RHOBTB1: variants seen among roughly 807,000 people sequenced by gnomAD.
RHOBTB1 encodes the protein rho-related BTB domain-containing protein 1.
RHOBTB1 carries 40 observed loss-of-function variants against 71.6 expected under a neutral mutation model. That is an observed-to-expected ratio of 0.56 (90% CI 0.43 to 0.73). The LOEUF is 0.73. RHOBTB1 is among the 30% of genes least tolerant of loss of function. The pLI is 0.00. For missense variants in RHOBTB1, 797 were observed against 894.0 expected, an observed-to-expected ratio of 0.89 and a Z score of 1.38; for synonymous variants, 319 against 334.9, an observed-to-expected ratio of 0.95 and a Z score of 0.52.
intron 4 of RHOBTB1, among the ~76,000 whole-genome samples, chr10:60,907,362 G>A (rs761616825): frequency 1.4e-4 from 21 of 152,156 alleles, no homozygotes; most frequent in Non-Finnish European, 2.2e-4. Flanking sequence ...TGAGTTGAGC[G>A]ACATCCCTTT....
chr10:60,876,206 T>C (rs760372764), intron 8 of RHOBTB1, among the ~76,000 whole-genome samples: 2 of 152,224 alleles, frequency 1.3e-5, no homozygotes, highest in Admixed American at 6.5e-5. Flanking sequence ...ATTGTCACTG[T>C]AGAAACTGAT....
At chr10:60,898,605 T>C (rs1270818092) in intron 4 of RHOBTB1, among the ~76,000 whole-genome samples, 1 of 152,112 alleles carries the variant, frequency 6.6e-6, no homozygotes, top group Non-Finnish European at 1.5e-5. Context: ...TGGCAGGGGA[T>C]CTGGGGATAG....
At chr10:60,986,599 A>C (rs2086677441) in intron 1 of RHOBTB1, among the ~76,000 whole-genome samples, 1 of 151,790 alleles carries the variant, frequency 6.6e-6, no homozygotes, top group African/African-American at 2.4e-5. Flanking sequence ...CCTCCAAAGA[A>C]ACCAAATATT....
intron 2 of RHOBTB1, among the ~76,000 whole-genome samples, chr10:60,913,174 C>A (rs975581848): frequency 6.6e-6 from 1 of 152,198 alleles, no homozygotes; most frequent in Non-Finnish European, 1.5e-5. Context: ...ACTATTGGAA[C>A]ATGGACTGTC....
chr10:60,956,936 CA>C (rs747388606), intron 2 of RHOBTB1, among the ~76,000 whole-genome samples: 3 of 152,172 alleles, frequency 2.0e-5, no homozygotes, highest in Non-Finnish European at 4.4e-5. Context: ...ATATGTGCAT[CA>C]AACTTGTTTA....
intron 4 of RHOBTB1, among the ~76,000 whole-genome samples, 195 bp downstream of exon 4, chr10:60,910,692 T>C (rs971088615): frequency 2.6e-5 from 4 of 152,204 alleles, no homozygotes; most frequent in African/African-American, 9.6e-5. Flanking sequence ...ACTTCCTCAT[T>C]GGCAGGGCAC....
At position 60,896,509 on chromosome 10, in the gene RHOBTB1, G is replaced by C. The variant is rs115908905; in HGVS notation, c.297-3514C>G. The stretch of plus-strand genomic sequence containing the variant: ...TGCAGAGGCAGAGTACAGGGTACAT[G>C]AGATTGTAAACTCCAGAACCTGAAT... On this transcript the variant is annotated intron_variant, in intron 4 of 10. Transcript: ENST00000337910. Among the ~76,000 whole-genome samples the C allele has an allele frequency of 5.1e-3, 779 of 152,348 alleles. 3 individuals carry two copies. Among genetic ancestry groups the C allele is most frequent in the African/African-American group, 0.018 (747 of 41,566 alleles).
rs1235537362 is a variant in RHOBTB1, at chr10:60,877,884, A to G, written c.1726+24T>C. On this transcript the variant is annotated intron_variant, in intron 8 of 10. Transcript: ENST00000337910. ...TTTTGACAAATATGACAGACACTGCATGGCCCTGAGTCATCATCCTTACCT... is the reference window on the plus strand; with the variant it reads ...TTTTGACAAATATGACAGACACTGCGTGGCCCTGAGTCATCATCCTTACCT... 1.9e-6 allele frequency: 3 copies of G among 1,601,466 alleles called. No individual in the cohort carries two copies. In the South Asian group the frequency reaches 3.4e-5, roughly 18 times the overall value.
intron 2 of RHOBTB1, among the ~76,000 whole-genome samples, chr10:60,938,978 C>T (rs2084753770): frequency 6.6e-6 from 1 of 152,008 alleles, no homozygotes; most frequent in Admixed American, 6.6e-5. Context: ...GGTACCAATT[C>T]AAAGGAAATT....
intron 2 of RHOBTB1, among the ~76,000 whole-genome samples, chr10:60,978,728 C>T (rs1210956943): frequency 6.6e-6 from 1 of 152,098 alleles, no homozygotes; most frequent in Non-Finnish European, 1.5e-5. Context: ...AACATAGTTC[C>T]TTTCTTCTTC....
At chr10:60,892,530 A>G (rs1195076757) in intron 5 of RHOBTB1, among the ~76,000 whole-genome samples, 1 of 152,234 alleles carries the variant, frequency 6.6e-6, no homozygotes, top group African/African-American at 2.4e-5. Context: ...AATACTTTAT[A>G]CTTTTCAAAG....
intron 4 of RHOBTB1, among the ~76,000 whole-genome samples, chr10:60,898,729 T>A (rs1345892625): frequency 1.3e-5 from 2 of 152,170 alleles, no homozygotes; most frequent in African/African-American, 2.4e-5. Context: ...TGTCAAAACA[T>A]CCTGAAATAT....
intron 7 of RHOBTB1, among the ~76,000 whole-genome samples, chr10:60,881,965 C>A (rs142902743): frequency 8.4e-4 from 128 of 151,996 alleles, no homozygotes; most frequent in African/African-American, 2.8e-3. Flanking sequence ...CATTAGGGAC[C>A]TTTAGAAAAA....
chr10:60,893,058 T>A, intron 4 of RHOBTB1, 63 bp from the exon 5 acceptor site: 1 of 1,292,356 alleles, frequency 7.7e-7, no homozygotes, highest in Non-Finnish European at 1.1e-6. Context: ...TTTACCATTA[T>A]GGTTCCTCTC....
At chr10:60,893,553 C>T (rs193297565) in intron 4 of RHOBTB1, among the ~76,000 whole-genome samples, 43 of 152,086 alleles carry the variant, frequency 2.8e-4, no homozygotes, top group East Asian at 7.7e-4. Context: ...TATCTGTTTC[C>T]GAAAAGAAAA....
chr10:60,893,102 A>C, intron 4 of RHOBTB1, 107 bp from the exon 5 acceptor site: 2 of 779,954 alleles, frequency 2.6e-6, no homozygotes, highest in South Asian at 3.9e-5. Context: ...CTCATGTCAC[A>C]ATTAAAAAAA....
At chr10:60,861,250 T>C in the RHOBTB1 span, among the ~76,000 whole-genome samples, 1 of 152,190 alleles carries the variant, frequency 6.6e-6, no homozygotes, top group Non-Finnish European at 1.5e-5. Context: ...TTGTTTTCCG[T>C]TTATCCTACC....
At chr10:60,962,678 G>A (rs1449005064) in intron 2 of RHOBTB1, among the ~76,000 whole-genome samples, 1 of 151,900 alleles carries the variant, frequency 6.6e-6, no homozygotes, top group East Asian at 1.9e-4. Context: ...TCTGTCCTTC[G>A]GTAAAGTCTT....
chr10:60,917,323 T>A (rs906155008), intron 2 of RHOBTB1, among the ~76,000 whole-genome samples: 5 of 152,098 alleles, frequency 3.3e-5, no homozygotes. Context: ...GATATCCTAC[T>A]GTGGCAGCTC....
Sources: allele counts gnomAD v4.1 joint callset (sites outside exome capture counted in the v4.1 genomes callset), GRCh38; gene constraint gnomAD v4.1.1; transcripts MANE v1.5; gene names NCBI Gene and HGNC (gene_info 2026-07-23, HGNC 2026-07-21).